The following DCC variants were observed in gnomAD, a reference collection of about 807,000 sequenced individuals.
DCC encodes netrin receptor DCC.
DCC carries 58 observed loss-of-function variants against 172.5 expected under a neutral mutation model. The ratio of observed to expected loss-of-function variants is 0.34; its 90% CI spans 0.27 to 0.42. The LOEUF (loss-of-function observed/expected upper bound fraction) is 0.42, where lower values mean the gene tolerates loss of function less well. DCC is among the 10% of genes least tolerant of loss of function. DCC has a pLI of 1.00. For missense variants in DCC, 1,740 were observed against 1,791.0 expected (o/e 0.97, Z 0.51); for synonymous variants, 709 against 644.5 (o/e 1.10, Z -1.52).
chr18:53,054,929 C>G (rs981787224), intron 5 of DCC, among the ~76,000 whole-genome samples: 11 of 152,186 alleles, frequency 7.2e-5, no homozygotes, highest in African/African-American at 2.4e-4. Context: ...GAATAGCTTA[C>G]TATTTGTCCT....
intron 2 of DCC, among the ~76,000 whole-genome samples, chr18:52,852,677 C>T (rs2038995018): frequency 6.6e-6 from 1 of 151,590 alleles, no homozygotes; most frequent in African/African-American, 2.4e-5. Flanking sequence ...ATTCAGGAGA[C>T]ATCAGGTTAT....
chr18:52,568,836 A>T (rs1286736533), intron 1 of DCC, among the ~76,000 whole-genome samples: 2 of 152,186 alleles, frequency 1.3e-5, no homozygotes, highest in Non-Finnish European at 2.9e-5. Context: ...TAAATGCCTA[A>T]GTTTAAATTT....
chr18:53,223,904 T>C (rs1382101991), intron 12 of DCC, among the ~76,000 whole-genome samples: 1 of 152,136 alleles, frequency 6.6e-6, no homozygotes, highest in African/African-American at 2.4e-5. Context: ...TTCCCAAAGG[T>C]ATTTTGTGCC....
intron 1 of DCC, among the ~76,000 whole-genome samples, chr18:52,443,736 T>G (rs1419142481): frequency 6.6e-6 from 1 of 152,172 alleles, no homozygotes; most frequent in East Asian, 1.9e-4. Context: ...AATGAAATAT[T>G]ATAAAATATA....
chr18:52,866,600 A>G (rs1178895186), intron 2 of DCC, among the ~76,000 whole-genome samples: 1 of 152,188 alleles, frequency 6.6e-6, no homozygotes, highest in East Asian at 1.9e-4. Context: ...GAGGTCCTTC[A>G]CATCCCTTGT....
At chr18:52,745,363 A>G (rs1033847541) in intron 1 of DCC, among the ~76,000 whole-genome samples, 1 of 152,228 alleles carries the variant, frequency 6.6e-6, no homozygotes, top group Non-Finnish European at 1.5e-5. Context: ...TTTTGGAGCA[A>G]AGTTCTAGAG....
At chr18:52,416,346 T>C (rs1192201622) in intron 1 of DCC, among the ~76,000 whole-genome samples, 2 of 152,016 alleles carry the variant, frequency 1.3e-5, no homozygotes, top group African/African-American at 2.4e-5. Flanking sequence ...AAATGTATAT[T>C]CTGTTGATTT....
At chr18:53,249,550 G>A (rs1470306403) in intron 12 of DCC, among the ~76,000 whole-genome samples, 1 of 151,976 alleles carries the variant, frequency 6.6e-6, no homozygotes, top group Non-Finnish European at 1.5e-5. Context: ...TATTGCCCTG[G>A]AAATGTGGGG....
At chr18:52,653,572 T>G (rs1285908038) in intron 1 of DCC, among the ~76,000 whole-genome samples, 4 of 152,218 alleles carry the variant, frequency 2.6e-5, no homozygotes, top group Admixed American at 2.0e-4. Flanking sequence ...ACTGTGGAAG[T>G]GTTGAGCTTC....
chr18:53,483,661 A>AT (rs958881532), intron 25 of DCC, among the ~76,000 whole-genome samples: 3 of 151,428 alleles, frequency 2.0e-5, no homozygotes, highest in Non-Finnish European at 3.0e-5. Context: ...TATCTATCTT[A>AT]TTTTTTTGCA....
chr18:53,327,842 T>A lies in DCC; in HGVS notation c.2164+5685T>A, dbSNP rs72925374. ...TGAAGGTGGCATGTCATAGAATAGA[T>A]TTTCTTTCTTGTACTTTTGATAGGG... On this transcript the variant is annotated intron_variant, in intron 14 of 28. Coordinates refer to ENST00000442544, the MANE Select transcript of DCC (RefSeq NM_005215.4). Among the ~76,000 whole-genome samples the A allele has an allele frequency of 5.1e-3, 776 of 152,260 alleles. 7 individuals carry two copies. Among genetic ancestry groups the A allele is most frequent in the Non-Finnish European group, 6.1e-3 (416 of 68,032 alleles).
intron 10 of DCC, 82 bp from the exon 11 acceptor site, chr18:53,207,597 A>G: frequency 7.7e-7 from 1 of 1,304,576 alleles, no homozygotes; most frequent in South Asian, 1.2e-5. Context: ...TCTAATGTCC[A>G]ATTCACTGAT....
chr18:53,131,012 G>A (rs2043643463), intron 7 of DCC, among the ~76,000 whole-genome samples: 1 of 152,064 alleles, frequency 6.6e-6, no homozygotes, highest in African/African-American at 2.4e-5. Flanking sequence ...TTTCTGAAGA[G>A]TTAAGCCTAA....
intron 8 of DCC, among the ~76,000 whole-genome samples, chr18:53,171,867 A>T (rs199855616): frequency 1.1e-3 from 172 of 152,210 alleles, no homozygotes; most frequent in East Asian, 2.9e-3. Flanking sequence ...AAAAAAAAAA[A>T]AATAATAAAC....
In DCC at chr18:52,765,588, C is replaced by T. The variant is rs569921241; in HGVS notation, c.412+13214C>T. On this transcript the variant is annotated intron_variant, in intron 2 of 28. Coordinates refer to ENST00000442544, the MANE Select transcript of DCC (RefSeq NM_005215.4). ...TTCTTTGTGCTCACCGTAATCTATCCTTCCCTCTGTCATTGCATGGAGCAT... is the reference window on the plus strand; with the variant it reads ...TTCTTTGTGCTCACCGTAATCTATCTTTCCCTCTGTCATTGCATGGAGCAT... Among the ~76,000 whole-genome samples, 9 of 152,184 alleles carry T rather than the reference C, an allele frequency of 5.9e-5. 1 individual carries two copies. In the South Asian group the frequency reaches 1.9e-3, roughly 32 times the overall value.
intron 1 of DCC, among the ~76,000 whole-genome samples, chr18:52,634,714 T>G (rs1424909278): frequency 6.6e-6 from 1 of 152,190 alleles, no homozygotes; most frequent in Admixed American, 6.5e-5. Flanking sequence ...ATAAGACTTA[T>G]TTCATTTCTC....
At chr18:53,516,445 C>A (rs1446996991) in intron 27 of DCC, among the ~76,000 whole-genome samples, 2 of 146,110 alleles carry the variant, frequency 1.4e-5, no homozygotes, top group Non-Finnish European at 2.9e-5. Flanking sequence ...ACAAAATTGA[C>A]AAATGGGATC....
At chr18:53,309,946 A>T (rs6417122) in intron 13 of DCC, among the ~76,000 whole-genome samples, 1 of 138,236 alleles carries the variant, frequency 7.2e-6, no homozygotes. Flanking sequence ...ATATATATAC[A>T]TGTATATATA....
intron 22 of DCC, 71 bp downstream of exon 22, chr18:53,435,280 C>A: frequency 2.0e-6 from 2 of 1,015,038 alleles, no homozygotes; most frequent in Non-Finnish European, 3.1e-6. Context: ...GTGTCTGGGG[C>A]AAATTTTCTA....
Sources: gnomAD v4.1 joint callset for allele counts (sites outside exome capture counted in the v4.1 genomes callset) on GRCh38, gnomAD v4.1.1 for gene constraint, MANE v1.5 for transcripts, NCBI Gene and HGNC (gene_info 2026-07-23, HGNC 2026-07-21) for gene names.